The following DNAI7 variants were observed in gnomAD, a reference collection of about 807,000 sequenced individuals.
DNAI7 encodes the protein cancer susceptibility 1.
Under a neutral mutation model 86.6 loss-of-function variants are expected in DNAI7, and 78 were observed. The ratio of observed to expected loss-of-function variants is 0.90; its 90% CI spans 0.75 to 1.09. DNAI7 has a LOEUF of 1.09. Ranked by LOEUF, DNAI7 falls within the 50% of genes least tolerant of loss-of-function variation. The probability of loss-of-function intolerance (pLI) is 0.00; values close to 1 mark genes in which losing one functional copy is unlikely to be tolerated. For synonymous variants in DNAI7, 274 were observed against 273.0 expected (o/e 1.00, Z -0.04); for missense variants, 753 against 810.2 (o/e 0.93, Z 0.86).
chr12:25,147,423 G>A (rs942940804), intron 7 of DNAI7, among the ~76,000 whole-genome samples: 6 of 151,936 alleles, frequency 3.9e-5, no homozygotes, highest in African/African-American at 9.7e-5. Context: ...AGGCCAAGTC[G>A]TAAGGATCAT....
chr12:25,118,284 GAC>G (rs1425122332), intron 12 of DNAI7, among the ~76,000 whole-genome samples: 2 of 150,222 alleles, frequency 1.3e-5, no homozygotes, highest in Non-Finnish European at 3.0e-5. Flanking sequence ...TTTGTTTTGA[GAC>G]ACAGTCTTGC....
intron 2 of DNAI7, among the ~76,000 whole-genome samples, chr12:25,165,288 T>C (rs1565782962): frequency 6.6e-6 from 1 of 152,172 alleles, no homozygotes; most frequent in Non-Finnish European, 1.5e-5. Flanking sequence ...AGTAGCAATG[T>C]ATTTCTGAGT....
chr12:25,195,096 T>C lies in DNAI7; in HGVS notation c.-18A>G, dbSNP rs375133502. ...CTCACCATTAAGAGTCAAGCTCCAC[T>C]GCAGTAGTCCGCAGAGTCGGAGCAG... On this transcript the variant is annotated 5_prime_UTR_variant, in exon 1 of 16. Transcript: ENST00000395987. The C allele has an allele frequency of 1.1e-5, 17 of 1,613,610 alleles. No homozygotes were observed. The highest frequency in any genetic ancestry group is 2.7e-5 in the African/African-American group (2 of 74,942).
At chr12:25,174,065 AT>A (rs949041531) in intron 2 of DNAI7, among the ~76,000 whole-genome samples, 1 of 148,496 alleles carries the variant, frequency 6.7e-6, no homozygotes, top group Admixed American at 6.8e-5. Context: ...TATATCATAT[AT>A]TGGCCATTTG....
chr12:25,149,008 T>G (rs1478868041), intron 7 of DNAI7, among the ~76,000 whole-genome samples: 1 of 152,088 alleles, frequency 6.6e-6, no homozygotes, highest in East Asian at 1.9e-4. Flanking sequence ...CTTACTTTTA[T>G]TTTTTTGAGA....
chr12:25,180,967 C>T (rs546708639), intron 2 of DNAI7, among the ~76,000 whole-genome samples: 10 of 152,196 alleles, frequency 6.6e-5, no homozygotes, highest in African/African-American at 1.7e-4. Flanking sequence ...CCACCACGAT[C>T]GGCTAATTTT....
intron 1 of DNAI7, 125 bp downstream of exon 1, chr12:25,194,945 GGTATGA>G: frequency 6.2e-7 from 1 of 1,614,194 alleles, no homozygotes; most frequent in Non-Finnish European, 8.5e-7. Flanking sequence ...CCCACCCCAA[GGTATGA>G]GTTATTTCCC....
Position 25,161,332 on chromosome 12 carries a change from A to T in DNAI7, c.22-135T>A. On this transcript the variant is annotated intron_variant, in intron 2 of 15. Transcript: ENST00000395987. ...CTTTCATGCATTCATTCAACAAATA[A>T]GACTGCCTCTTAGTGTAAAGCTTTG... 6 of 738,948 alleles carry T rather than the reference A, an allele frequency of 8.1e-6. No homozygotes were observed. In the South Asian group the frequency reaches 9.4e-5, roughly 12 times the overall value. The allele number at this position is 738,948 out of a possible 1,614,324, so 45.8% of individuals were successfully genotyped here.
At chr12:25,121,401 T>C (rs1391686945) in intron 11 of DNAI7, among the ~76,000 whole-genome samples, 5 of 152,182 alleles carry the variant, frequency 3.3e-5, no homozygotes, top group Admixed American at 2.6e-4. Context: ...TCAGAGCTAG[T>C]AGGGACCGCG....
chr12:25,171,865 C>T (rs984110600), intron 2 of DNAI7, among the ~76,000 whole-genome samples: 1 of 152,146 alleles, frequency 6.6e-6, no homozygotes, highest in Non-Finnish European at 1.5e-5. Context: ...ACAAAAATCA[C>T]ATGATCATCT....
intron 3 of DNAI7, chr12:25,158,837 A>G (rs368584008): frequency 2.5e-6 from 1 of 403,690 alleles, no homozygotes; most frequent in East Asian, 7.2e-5. Context: ...GACACATGAA[A>G]AAATGTTCAT....
At chr12:25,154,704 T>G (rs1466382435) in intron 5 of DNAI7, among the ~76,000 whole-genome samples, 3 of 152,210 alleles carry the variant, frequency 2.0e-5, no homozygotes, top group African/African-American at 7.2e-5. Context: ...TTTTAAAGCA[T>G]TATTTATAAG....
At chr12:25,160,381 C>T (rs942668097) in intron 3 of DNAI7, among the ~76,000 whole-genome samples, 1 of 152,182 alleles carries the variant, frequency 6.6e-6, no homozygotes, top group Non-Finnish European at 1.5e-5. Flanking sequence ...TTAACTTCTT[C>T]GTAAAGCAAC....
Position 25,154,432 on chromosome 12 carries a change from C to T in DNAI7, c.325G>A (p.Gly109Arg). The T allele has an allele frequency of 1.2e-6, 2 of 1,609,858 alleles. No individual in the cohort carries two copies. The highest frequency in any genetic ancestry group is 1.7e-6 in the Non-Finnish European group (2 of 1,179,072). Residue 109 changes from glycine (G) to arginine (R), a missense_variant, in exon 6 of 16, where the codon GGG becomes AGG. Coordinates refer to ENST00000395987, the MANE Select transcript of DNAI7 (RefSeq NM_018272.5). ...TGGGCTACTGAAGGATCAGGACTCC[C>T]ATCACATTGAATGTAGTGCTTCCAC... ...SQWKHYIQCD[G>R]SPDPSVAQEM...
intron 9 of DNAI7, among the ~76,000 whole-genome samples, chr12:25,136,362 G>A (rs1943555025): frequency 2.0e-5 from 3 of 152,190 alleles, no homozygotes; most frequent in Admixed American, 6.5e-5. Context: ...GGGGAAGGGG[G>A]AGAGCCCATC....
chr12:25,132,725 T>C (rs1449432050), intron 9 of DNAI7, among the ~76,000 whole-genome samples: 4 of 150,492 alleles, frequency 2.7e-5, no homozygotes, highest in Admixed American at 2.6e-4. Context: ...CTCAATCTGA[T>C]AGGAAAACAA....
At chr12:25,166,077 C>T (rs1047029320) in intron 2 of DNAI7, among the ~76,000 whole-genome samples, 2 of 152,096 alleles carry the variant, frequency 1.3e-5, no homozygotes, top group Non-Finnish European at 2.9e-5. Flanking sequence ...AGCAACTGAT[C>T]ATGCACCCCT....
chr12:25,150,601 C>CAAAAAAAAAAAAAAAAAAA (rs58511191), intron 6 of DNAI7, among the ~76,000 whole-genome samples: 1 of 89,008 alleles, frequency 1.1e-5, no homozygotes. Flanking sequence ...GACTCTGTCT[C>CAAAAAAAAAAAAAAAAAAA]AAAAAAAAAA....
intron 1 of DNAI7, among the ~76,000 whole-genome samples, chr12:25,194,651 C>T (rs1222733702): frequency 6.6e-6 from 1 of 152,062 alleles, no homozygotes; most frequent in Non-Finnish European, 1.5e-5. Context: ...CCACAAAAGA[C>T]GACATAAAAT....
Sources: allele counts gnomAD v4.1 joint callset (sites outside exome capture counted in the v4.1 genomes callset), GRCh38; gene constraint gnomAD v4.1.1; transcripts MANE v1.5; gene names NCBI Gene and HGNC (gene_info 2026-07-23, HGNC 2026-07-21).